The following AHCYL1 variants were observed in gnomAD, a reference collection of about 807,000 sequenced individuals.
The protein encoded by AHCYL1 is adenosylhomocysteinase like 1.
Under a neutral mutation model 79.3 loss-of-function variants are expected in AHCYL1, and 20 were observed. The ratio of observed to expected loss-of-function variants is 0.25; its 90% CI spans 0.18 to 0.37. The LOEUF (loss-of-function observed/expected upper bound fraction) is 0.37. Among genes scored for constraint, AHCYL1 ranks in the 10% least tolerant of loss-of-function variants. The probability of loss-of-function intolerance (pLI) is 1.00; values close to 1 mark genes in which losing one functional copy is unlikely to be tolerated. For missense variants in AHCYL1, 330 were observed against 673.6 expected (o/e 0.49, Z 5.65); for synonymous variants, 223 against 242.2 (o/e 0.92, Z 0.74).
At chr1:110,003,199 T>C (rs1309146348) in intron 1 of AHCYL1, among the ~76,000 whole-genome samples, 1 of 152,194 alleles carries the variant, frequency 6.6e-6, no homozygotes, top group Non-Finnish European at 1.5e-5. Context: ...TAATTGTTAA[T>C]ATTAAGTGTG....
intron 1 of AHCYL1, among the ~76,000 whole-genome samples, chr1:109,990,159 A>G (rs1057066428): frequency 6.6e-6 from 1 of 152,222 alleles, no homozygotes; most frequent in African/African-American, 2.4e-5. Flanking sequence ...GAGTAGTAGT[A>G]CAACATAAGG....
chr1:110,021,018 G>T (rs1210735240), intron 16 of AHCYL1, among the ~76,000 whole-genome samples, 167 bp downstream of exon 16: 4 of 152,222 alleles, frequency 2.6e-5, no homozygotes, highest in Non-Finnish European at 5.9e-5. Flanking sequence ...AGCACTTTGA[G>T]AGGCCTAGGC....
At chr1:109,992,203 T>A (rs950880041) in intron 1 of AHCYL1, among the ~76,000 whole-genome samples, 11 of 151,928 alleles carry the variant, frequency 7.2e-5, no homozygotes, top group Non-Finnish European at 1.5e-5. Flanking sequence ...GGTCAGGAGA[T>A]CGAGACCATC....
chr1:110,018,243 G>C (rs565028982), intron 11 of AHCYL1, 130 bp from the exon 12 acceptor site: 1 of 953,716 alleles, frequency 1.0e-6, no homozygotes, highest in Admixed American at 2.3e-5. Flanking sequence ...GGTTATGCAT[G>C]TCTTCTCTCA....
intron 1 of AHCYL1, among the ~76,000 whole-genome samples, chr1:109,989,521 A>C (rs961953269): frequency 2.6e-5 from 4 of 152,240 alleles, no homozygotes; most frequent in African/African-American, 9.6e-5. Flanking sequence ...GCCCACCCCA[A>C]TATAGTATTC....
chr1:110,013,874 C>T (rs1424650538), intron 5 of AHCYL1, among the ~76,000 whole-genome samples: 3 of 147,658 alleles, frequency 2.0e-5, no homozygotes, highest in Non-Finnish European at 4.5e-5. Flanking sequence ...AGTCTCGGCT[C>T]ACTGCAACCC....
intron 1 of AHCYL1, among the ~76,000 whole-genome samples, chr1:110,001,560 A>G (rs1650316294): frequency 6.6e-6 from 1 of 152,150 alleles, no homozygotes; most frequent in African/African-American, 2.4e-5. Flanking sequence ...AATGATTCCC[A>G]AGTGAAAAAA....
chr1:110,005,990 C>T (rs1650629274), intron 1 of AHCYL1, among the ~76,000 whole-genome samples: 1 of 151,050 alleles, frequency 6.6e-6, no homozygotes, highest in Admixed American at 6.6e-5. Flanking sequence ...GGAAGAAAGT[C>T]AACCATTGTA....
intron 1 of AHCYL1, among the ~76,000 whole-genome samples, chr1:110,005,353 A>G (rs951449859): frequency 3.9e-5 from 6 of 152,250 alleles, no homozygotes; most frequent in African/African-American, 1.4e-4. Flanking sequence ...CCTAAGTTAA[A>G]CAATATCCAG....
intron 7 of AHCYL1, 65 bp from the exon 8 acceptor site, chr1:110,016,279 C>A: frequency 8.2e-7 from 1 of 1,218,006 alleles, no homozygotes; most frequent in South Asian, 1.3e-5. Flanking sequence ...GCAGATTTTG[C>A]CACAAATTAT....
rs777015533 is a variant in AHCYL1, at chr1:110,015,537, A to G, written c.782+6A>G. ...AGCGTGACTGGTGTTCACAGGTAAC[A>G]GATTCTGGAGTAGCTGCCCCTTGTG... On this transcript the variant is annotated splice_donor_region_variant and intron_variant, in intron 7 of 16. Coordinates refer to ENST00000369799, the MANE Select transcript of AHCYL1 (RefSeq NM_006621.7). 5.0e-6 allele frequency: 8 copies of G among 1,612,706 alleles called. No individual in the cohort carries two copies. In the Admixed American group the frequency reaches 1.0e-4, roughly 20 times the overall value.
At chr1:109,988,377 T>G (rs1649580033) in intron 1 of AHCYL1, among the ~76,000 whole-genome samples, 2 of 152,244 alleles carry the variant, frequency 1.3e-5, no homozygotes, top group Admixed American at 6.5e-5. Flanking sequence ...TTTTAAGAGT[T>G]AAGTGTACCA....
chr1:109,985,104 C>T lies in AHCYL1; in HGVS notation c.52C>T (p.Gln18Ter). 7.5e-6 allele frequency: 12 copies of T among 1,610,572 alleles called. No homozygotes were observed. The highest frequency in any genetic ancestry group is 1.0e-5 in the Non-Finnish European group (12 of 1,178,818). Residue 18 changes from glutamine to a stop codon, truncating the protein, a stop_gained, in exon 1 of 17, where the codon CAG (glutamine) becomes TAG (stop). Coordinates refer to ENST00000369799, the MANE Select transcript of AHCYL1 (RefSeq NM_006621.7). LOFTEE classifies it high-confidence loss of function. ...GCCCGGGGTCGGGGAGGAGCTGAAG[C>T]AGGCCAAGGAGATCGAGGACGCCGA... ...PLPGVGEELK[Q>*]AKEIEDAEKY...
intron 1 of AHCYL1, chr1:109,995,732 A>G (rs747533019): frequency 2.5e-5 from 24 of 974,494 alleles, no homozygotes; most frequent in Non-Finnish European, 2.7e-5. Context: ...TTTTTTCGCA[A>G]TAACTCATTA....
intron 1 of AHCYL1, among the ~76,000 whole-genome samples, chr1:109,987,116 A>G (rs2101687674): frequency 6.6e-6 from 1 of 152,252 alleles, no homozygotes; most frequent in South Asian, 2.1e-4. Flanking sequence ...ATTCTTTAGC[A>G]TTTACGTAGT....
chr1:110,003,606 T>G (rs1398942721), intron 1 of AHCYL1, among the ~76,000 whole-genome samples: 4 of 152,150 alleles, frequency 2.6e-5, no homozygotes, highest in African/African-American at 4.8e-5. Context: ...ACTGATTTTT[T>G]TTTTTAAACC....
intron 7 of AHCYL1, 90 bp downstream of exon 7, chr1:110,015,621 T>C: frequency 2.0e-6 from 2 of 1,007,208 alleles, no homozygotes; most frequent in Non-Finnish European, 3.0e-6. Flanking sequence ...GTTTCAGACT[T>C]ATAACTAAAT....
chr1:109,994,971 T>C (rs1030915177), intron 1 of AHCYL1, among the ~76,000 whole-genome samples: 4 of 152,174 alleles, frequency 2.6e-5, no homozygotes, highest in Non-Finnish European at 5.9e-5. Flanking sequence ...ATAAGATGTA[T>C]TGTAAGTCCA....
chr1:110,020,964 A>T (rs886634501), intron 16 of AHCYL1, 113 bp downstream of exon 16: 18 of 1,466,494 alleles, frequency 1.2e-5, no homozygotes, highest in African/African-American at 2.9e-5. Flanking sequence ...AGAATACAAG[A>T]AATCTGTTCC....
Sources: gnomAD v4.1 joint callset for allele counts (sites outside exome capture counted in the v4.1 genomes callset) on GRCh38, gnomAD v4.1.1 for gene constraint, MANE v1.5 for transcripts, NCBI Gene and HGNC (gene_info 2026-07-23, HGNC 2026-07-21) for gene names.